The following GPLD1 variants were observed in gnomAD, a reference collection of about 807,000 sequenced individuals.
GPLD1 encodes phosphatidylinositol-glycan-specific phospholipase D.
GPLD1 carries 84 observed loss-of-function variants against 112.6 expected under a neutral mutation model. The ratio of observed to expected loss-of-function variants is 0.75; its 90% CI spans 0.63 to 0.89. The LOEUF is 0.89. Among genes scored for constraint, GPLD1 ranks in the 40% least tolerant of loss-of-function variants. GPLD1 has a pLI of 0.00. For synonymous variants in GPLD1, 386 were observed against 403.8 expected, an observed-to-expected ratio of 0.96 and a Z score of 0.53; for missense variants, 1,044 against 1,051.5, an observed-to-expected ratio of 0.99 and a Z score of 0.10.
rs973906196 is a variant in GPLD1 at position 24,467,225 on chromosome 6, G to C, written c.595C>G (p.Arg199Gly). The C allele has an allele frequency of 6.2e-7, 1 of 1,608,340 alleles. No homozygotes were observed. The highest frequency in any genetic ancestry group is 1.1e-5 in the South Asian group (1 of 90,922). Residue 199 changes from arginine (R) to glycine (G), a missense_variant, in exon 8 of 25, where the codon CGA becomes GGA. Physicochemically the swap from Arg to Gly is moderately radical, Grantham distance 125. Coordinates refer to ENST00000230036, the MANE Select transcript of GPLD1 (RefSeq NM_001503.4). ...LLGIYEKLYG[R>G]KVITENVIVD... Reference sequence around the variant, plus strand: ...ATTACATTTTCGGTGATGACTTTTCGACCATACAGTTTCTCATAAATTCCC... The same window carrying C: ...ATTACATTTTCGGTGATGACTTTTCCACCATACAGTTTCTCATAAATTCCC...
chr6:24,462,857 G>A (rs557194111), intron 10 of GPLD1, 62 bp from the exon 11 acceptor site: 55 of 1,221,448 alleles, frequency 4.5e-5, no homozygotes, highest in Admixed American at 2.4e-4. Flanking sequence ...GAATTTTACC[G>A]AGAATCGGTA....
rs779129231 is a variant in GPLD1, at chr6:24,462,741, G to A, written c.876C>T (p.Asn292=). 4 of 1,612,440 alleles carry A rather than the reference G, an allele frequency of 2.5e-6. No individual in the cohort carries two copies. The South Asian group carries it at 4.4e-5, about 18-fold the overall frequency. Residue 292 remains asparagine (N), a synonymous_variant, in exon 11 of 25, where the codon AAC becomes AAT. Transcript: ENST00000230036. ...TGGAATCCACTTACCCCTGGGTGTGGTTTTGCTGGCCGCCACATGCAATGA... is the reference window on the plus strand; with the variant it reads ...TGGAATCCACTTACCCCTGGGTGTGATTTTGCTGGCCGCCACATGCAATGA... The part of the protein sequence containing the change: ...PLFIACGGQQ[N]HTQGSKMQKN...
At chr6:24,429,759 G>A (rs1762345386) in intron 24 of GPLD1, among the ~76,000 whole-genome samples, 1 of 152,182 alleles carries the variant, frequency 6.6e-6, no homozygotes, top group Admixed American at 6.5e-5. Flanking sequence ...TGTTGGCCAG[G>A]CTGGTCTCGA....
chr6:24,464,045 C>T (rs1397155242), intron 10 of GPLD1, among the ~76,000 whole-genome samples: 1 of 151,998 alleles, frequency 6.6e-6, no homozygotes, highest in Non-Finnish European at 1.5e-5. Context: ...AAATTGAACA[C>T]CAAAAAATGT....
chr6:24,478,063 A>G (rs543282754), intron 3 of GPLD1, among the ~76,000 whole-genome samples: 9 of 152,282 alleles, frequency 5.9e-5, no homozygotes, highest in Non-Finnish European at 1.5e-5. Context: ...CTCTCCTCAG[A>G]ACCTTGATTA....
chr6:24,447,071 G>A, intron 17 of GPLD1, 92 bp from the exon 18 acceptor site: 1 of 1,220,004 alleles, frequency 8.2e-7, no homozygotes, highest in Non-Finnish European at 1.2e-6. Context: ...CCTAATAGAA[G>A]TGGGTTCATT....
chr6:24,487,206 C>T (rs2744570), intron 1 of GPLD1, among the ~76,000 whole-genome samples: 34,221 of 152,124 alleles, frequency 0.22, 4,443 homozygotes, highest in Non-Finnish European at 0.3. Flanking sequence ...CAGTGATTTA[C>T]GCTGAATGAA....
At position 24,451,760 on chromosome 6, in the gene GPLD1, G is replaced by A. The variant is rs139338662; in HGVS notation, c.1336-1861C>T. Among the ~76,000 whole-genome samples the A allele has an allele frequency of 3.0e-3, 452 of 152,292 alleles. 3 individuals are homozygous for A. Among genetic ancestry groups the A allele is most frequent in the African/African-American group, 9.5e-3 (393 of 41,556 alleles). ...TTTATTAGGTAATCTCTCCACACCC[G>A]TGTGCAGTGGCATCTATAAGTGCTG... On this transcript the variant is annotated intron_variant, in intron 14 of 24. Coordinates refer to ENST00000230036, the MANE Select transcript of GPLD1 (RefSeq NM_001503.4).
chr6:24,472,688 A>T (rs1763863641), intron 6 of GPLD1, 52 bp from the exon 7 acceptor site: 1 of 942,528 alleles, frequency 1.1e-6, no homozygotes, highest in Non-Finnish European at 1.8e-6. Flanking sequence ...CAAACATAGC[A>T]TGCATCTATT....
chr6:24,466,960 T>G, intron 8 of GPLD1, 21 bp from the exon 9 acceptor site: 1 of 1,607,256 alleles, frequency 6.2e-7, no homozygotes. Flanking sequence ...AACAATAATT[T>G]TGGCTGTGAG....
upstream of GPLD1, chr6:24,489,733 G>C (rs73728135): frequency 6.7e-3 from 4,402 of 658,010 alleles, 103 homozygotes; most frequent in African/African-American, 0.065. Context: ...GTGCTCCTGG[G>C]GGGTGGGGTT....
Position 24,486,102 on chromosome 6 carries a change from A to G in GPLD1, c.126T>C (p.Leu42=), listed in dbSNP as rs766324926. The change falls in exon 2 of 25, where the codon CTT becomes CTC. Residue 42 remains leucine (L), a synonymous_variant. Transcript: ENST00000230036. Reference sequence around the variant, plus strand: ...CTCTGTAGTTAACACGCCCATTGTGAAGCTGAAGAAACTCCAGAGCTCTGT... The same window carrying G: ...CTCTGTAGTTAACACGCCCATTGTGGAGCTGAAGAAACTCCAGAGCTCTGT... ...IGHRALEFLQ[L]HNGRVNYREL... 3 of 1,597,200 alleles carry G rather than the reference A, an allele frequency of 1.9e-6. No homozygotes were observed. The highest frequency in any genetic ancestry group is 2.6e-6 in the Non-Finnish European group (3 of 1,166,102).
chr6:24,488,040 TATA>T (rs1173436783), intron 1 of GPLD1, among the ~76,000 whole-genome samples: 10 of 152,214 alleles, frequency 6.6e-5, no homozygotes, highest in Non-Finnish European at 1.5e-5. Flanking sequence ...ATTTTTTGCC[TATA>T]ATCTTATTAT....
At chr6:24,434,849 A>AT (rs1270478467) in intron 22 of GPLD1, among the ~76,000 whole-genome samples, 5 of 150,836 alleles carry the variant, frequency 3.3e-5, no homozygotes, top group African/African-American at 9.8e-5. Context: ...AAAAAAAAAA[A>AT]AAAAAAGACA....
rs1253680003 is a variant in GPLD1, at chr6:24,428,654, A to C, written c.*378T>G. On this transcript the variant is annotated 3_prime_UTR_variant, in exon 25 of 25. Coordinates refer to ENST00000230036, the MANE Select transcript of GPLD1 (RefSeq NM_001503.4). Reference sequence around the variant, plus strand: ...ACAGAGACTGTTCTAACAGATAACCACAGAGGGACCTTTCCAGCCATTGGA... The same window carrying C: ...ACAGAGACTGTTCTAACAGATAACCCCAGAGGGACCTTTCCAGCCATTGGA... The C allele has an allele frequency of 1.8e-5, 3 of 167,624 alleles. No individual in the cohort carries two copies. The allele number at this position is 167,624 out of a possible 1,614,324, so 10.4% of individuals were successfully genotyped here.
chr6:24,460,348 A>T lies in GPLD1; in HGVS notation c.939T>A (p.Thr313=). 6.2e-7 allele frequency: 1 copy of T among 1,612,742 alleles called. No individual in the cohort carries two copies. Among genetic ancestry groups the T allele is most frequent in the South Asian group, 1.1e-5 (1 of 91,050 alleles). Reference sequence around the variant, plus strand: ...AGTTTATATTCCTGTCAACACTTTCAGTTAGGGATGTAGTCAAATTTCTGT... The same window carrying T: ...AGTTTATATTCCTGTCAACACTTTCTGTTAGGGATGTAGTCAAATTTCTGT... ...DFHRNLTTSL[T]ESVDRNINYT... Residue 313 remains threonine (T), a synonymous_variant, in exon 12 of 25, where the codon ACT becomes ACA. Transcript: ENST00000230036.
At chr6:24,495,164 G>T in exon 1 of GPLD1, 1 of 1,464,220 alleles carries the variant, frequency 6.8e-7, no homozygotes, top group South Asian at 1.3e-5. Flanking sequence ...GCCTCTCTGC[G>T]GCGCTGCTGC....
Position 24,437,178 on chromosome 6 carries a change from C to A in GPLD1, c.2132G>T (p.Gly711Val), listed in dbSNP as rs372822054. The A allele has an allele frequency of 6.8e-6, 11 of 1,614,112 alleles. No individual in the cohort carries two copies. In the African/African-American group the frequency reaches 1.5e-4, roughly 22 times the overall value. Residue 711 changes from glycine (G) to valine (V), a missense_variant, in exon 21 of 25, where the codon GGA becomes GTA. Coordinates refer to ENST00000230036, the MANE Select transcript of GPLD1 (RefSeq NM_001503.4). Reference protein sequence around the residue: ...AQPLLLSTFSGDRRFSRFGGV... With the variant: ...AQPLLLSTFSVDRRFSRFGGV... ...ACCAAATCGGGAGAAGCGGCGGTCT[C>A]CGCTGAAGGTGCTGAGCAGCAGAGG... is the stretch of plus-strand genomic sequence containing the variant.
chr6:24,479,423 T>C (rs1373079849), intron 3 of GPLD1, among the ~76,000 whole-genome samples: 1 of 152,222 alleles, frequency 6.6e-6, no homozygotes, highest in Non-Finnish European at 1.5e-5. Context: ...GCGATTTGCA[T>C]AACACTTGAC....
Sources: allele counts gnomAD v4.1 joint callset (sites outside exome capture counted in the v4.1 genomes callset), GRCh38; gene constraint gnomAD v4.1.1; transcripts MANE v1.5; gene names NCBI Gene and HGNC (gene_info 2026-07-23, HGNC 2026-07-21).